Variants in IFNAR1 observed in about 807,000 individuals in gnomAD.
IFNAR1 encodes interferon alpha and beta receptor subunit 1, also known as interferon alpha/beta receptor 1.
A neutral mutation model predicts 62.1 loss-of-function variants in IFNAR1; 47 were observed. That is an observed-to-expected ratio of 0.76 (90% CI 0.60 to 0.97). The LOEUF is 0.97. IFNAR1 is among the 50% of genes least tolerant of loss of function. The pLI, the probability that IFNAR1 is intolerant of heterozygous loss-of-function variation, is 0.00. For synonymous variants in IFNAR1, 219 were observed against 226.9 expected (o/e 0.97, Z 0.31); for missense variants, 638 against 654.5 (o/e 0.97, Z 0.27).
chr21:33,334,170 A>G (rs1308777641), intron 1 of IFNAR1, among the ~76,000 whole-genome samples: 1 of 152,254 alleles, frequency 6.6e-6, no homozygotes, highest in Non-Finnish European at 1.5e-5. Flanking sequence ...CAGAGCACCC[A>G]GATATATAAA....
intron 9 of IFNAR1, 100 bp from the exon 10 acceptor site, chr21:33,353,538 T>G (rs1239242841): frequency 1.6e-6 from 1 of 639,952 alleles, no homozygotes; most frequent in Non-Finnish European, 2.6e-6. Flanking sequence ...TAATAGATTT[T>G]ATATTTCCTT....
At chr21:33,334,361 C>T (rs1568926704) in intron 1 of IFNAR1, among the ~76,000 whole-genome samples, 1 of 152,074 alleles carries the variant, frequency 6.6e-6, no homozygotes, top group East Asian at 1.9e-4. Context: ...ACTTGTCATA[C>T]ACAAGGGATC....
intron 6 of IFNAR1, among the ~76,000 whole-genome samples, chr21:33,346,625 A>G (rs2083349907): frequency 6.6e-6 from 1 of 152,248 alleles, no homozygotes; most frequent in Non-Finnish European, 1.5e-5. Flanking sequence ...TGTACAAAGC[A>G]CTGAAGAAAT....
intron 5 of IFNAR1, among the ~76,000 whole-genome samples, chr21:33,344,902 C>A (rs2123250729): frequency 6.6e-6 from 1 of 152,204 alleles, no homozygotes; most frequent in East Asian, 1.9e-4. Context: ...ATTCTCCTGC[C>A]TCAGCCTCCC....
chr21:33,335,716 AT>A, intron 2 of IFNAR1, 69 bp downstream of exon 2: 3 of 1,226,232 alleles, frequency 2.4e-6, no homozygotes, highest in Non-Finnish European at 3.3e-6. Context: ...CAACACCATA[AT>A]TTTTAGATTT....
In IFNAR1 at chr21:33,357,500, G is replaced by A. The variant is rs2083459245; in HGVS notation, c.*1951G>A. 6.6e-6 allele frequency: 1 copy of A among 150,970 alleles called. No individual in the cohort carries two copies. 9.4% of individuals were successfully genotyped at this position (150,970 alleles called of 1,614,324 possible). ...ACTCTCTGCCGGAGAACCCCATGGT[G>A]ACACATTTTCATCTTTCTGACCAGA... On this transcript the variant is annotated 3_prime_UTR_variant, in exon 11 of 11. Transcript: ENST00000270139.
rs2083222160 is a variant in IFNAR1 at position 33,335,246 on chromosome 21, T to C, written c.77-278T>C. On this transcript the variant is annotated intron_variant, in intron 1 of 10. Coordinates refer to ENST00000270139, the MANE Select transcript of IFNAR1 (RefSeq NM_000629.3). The stretch of plus-strand genomic sequence containing the variant: ...TGTCACTTCTAAGACCAAGAAAAAT[T>C]CTATTTTTATGCAGAGACCATTTGT... The C allele has an allele frequency of 1.2e-5, 5 of 434,222 alleles. No individual in the cohort carries two copies. In the Admixed American group the frequency reaches 1.5e-4, roughly 13 times the overall value. The allele number at this position is 434,222 out of a possible 1,614,324, so 26.9% of individuals were successfully genotyped here. A position where few individuals can be genotyped will look rare whatever the true frequency, so the allele number is the denominator to read the frequency against.
intron 6 of IFNAR1, 103 bp from the exon 7 acceptor site, chr21:33,348,988 T>C: frequency 1.5e-6 from 1 of 680,376 alleles, no homozygotes; most frequent in South Asian, 2.1e-5. Context: ...TTCCTGAGTG[T>C]GGATACTATT....
At chr21:33,342,730 G>A (rs1201706962) in intron 3 of IFNAR1, among the ~76,000 whole-genome samples, 6 of 151,302 alleles carry the variant, frequency 4.0e-5, no homozygotes, top group East Asian at 3.9e-4. Flanking sequence ...GGTGGCGGGA[G>A]CCTGTAGTCC....
intron 1 of IFNAR1, among the ~76,000 whole-genome samples, chr21:33,325,354 C>G (rs932479295): frequency 6.6e-6 from 1 of 152,196 alleles, no homozygotes; most frequent in African/African-American, 2.4e-5. Context: ...GTGTACGGGT[C>G]CTCGGGAGCG....
chr21:33,345,837 C>T (rs898274026), intron 6 of IFNAR1, among the ~76,000 whole-genome samples: 4 of 152,096 alleles, frequency 2.6e-5, no homozygotes, highest in Non-Finnish European at 4.4e-5. Flanking sequence ...GTAGATACTT[C>T]GGTGGGAAAG....
At chr21:33,353,541 A>G (rs2083417829) in intron 9 of IFNAR1, 97 bp from the exon 10 acceptor site, 2 of 642,716 alleles carry the variant, frequency 3.1e-6, no homozygotes, top group South Asian at 4.6e-5. Flanking sequence ...TAGATTTTAT[A>G]TTTCCTTTCA....
upstream of IFNAR1, chr21:33,324,927 G>A (rs556392122): frequency 5.2e-4 from 371 of 719,042 alleles, 1 homozygote; most frequent in Non-Finnish European, 7.2e-4. Context: ...CGTGCGTAGA[G>A]GGGCGGTGAG....
At chr21:33,344,614 GT>G (rs1485428114) in intron 5 of IFNAR1, among the ~76,000 whole-genome samples, 1 of 151,472 alleles carries the variant, frequency 6.6e-6, no homozygotes, top group African/African-American at 2.4e-5. Context: ...CTTGGGTTTT[GT>G]TTTTTAAAAT....
At chr21:33,350,171 G>T (rs541194382) in intron 8 of IFNAR1, among the ~76,000 whole-genome samples, 5 of 150,632 alleles carry the variant, frequency 3.3e-5, no homozygotes, top group East Asian at 1.9e-4. Context: ...GTTTGGGCTG[G>T]ATAGTTCCTT....
rs948450858 is a variant in IFNAR1, at chr21:33,345,838, G to T, written c.788+478G>T. On this transcript the variant is annotated intron_variant, in intron 6 of 10. Coordinates refer to ENST00000270139, the MANE Select transcript of IFNAR1 (RefSeq NM_000629.3). ...GACAAAATTTTGTAGTAGATACTTC[G>T]GTGGGAAAGAAAGTTGGAAAGAACT... Among the ~76,000 whole-genome samples the T allele has an allele frequency of 2.0e-5, 3 of 152,204 alleles. No individual in the cohort carries two copies. In the East Asian group the frequency reaches 5.8e-4, roughly 29 times the overall value.
Position 33,345,290 on chromosome 21 carries a change from C to G in IFNAR1, c.718C>G (p.Gln240Glu). Reference sequence around the variant, plus strand: ...ACCAGAAAATATAGAAGTCAGTGTCCAAAATCAGAACTATGTTCTTAAATG... The same window carrying G: ...ACCAGAAAATATAGAAGTCAGTGTCGAAAATCAGAACTATGTTCTTAAATG... ...PPPENIEVSVQNQNYVLKWDY... is the reference protein window; with the variant it reads ...PPPENIEVSVENQNYVLKWDY... Residue 240 changes from glutamine (Q) to glutamate (E), a missense_variant, in exon 6 of 11, where the codon CAA becomes GAA. Transcript: ENST00000270139. The G allele has an allele frequency of 6.2e-7, 1 of 1,606,112 alleles. No individual in the cohort carries two copies. The highest frequency in any genetic ancestry group is 8.5e-7 in the Non-Finnish European group (1 of 1,173,772).
chr21:33,349,230 T>A lies in IFNAR1; in HGVS notation c.928T>A (p.Ser310Thr). Residue 310 changes from serine (S) to threonine (T), a missense_variant, in exon 7 of 11, where the codon TCT (serine) becomes ACT (threonine). Coordinates refer to ENST00000270139, the MANE Select transcript of IFNAR1 (RefSeq NM_000629.3). Reference protein sequence around the residue: ...KGIYLLRVQASDGNNTSFWSE... With the variant: ...KGIYLLRVQATDGNNTSFWSE... ...AATTTACCTTCTCCGCGTACAAGCA[T>A]CTGATGGAAATAACACATCTTTTTG... The A allele has an allele frequency of 1.9e-6, 3 of 1,613,542 alleles. No individual in the cohort carries two copies. Among genetic ancestry groups the A allele is most frequent in the Non-Finnish European group, 2.5e-6 (3 of 1,179,628 alleles).
chr21:33,343,326 C>A lies in IFNAR1; in HGVS notation c.435C>A (p.His145Gln), dbSNP rs2083312220. 6.2e-7 allele frequency: 1 copy of A among 1,612,304 alleles called. No individual in the cohort carries two copies. Among genetic ancestry groups the A allele is most frequent in the African/African-American group, 1.3e-5 (1 of 74,892 alleles). The change falls in exon 4 of 11, where the codon CAC (histidine) becomes CAA (glutamine). Residue 145 changes from histidine (H) to glutamine (Q), a missense_variant. Physicochemically the swap from His to Gln is conservative, Grantham distance 24. Coordinates refer to ENST00000270139, the MANE Select transcript of IFNAR1 (RefSeq NM_000629.3). ...CTGAAGATAAGGCAATAGTGATACA[C>A]ATCTCTCCTGGAACAAAAGATAGTG... ...LEAEDKAIVI[H>Q]ISPGTKDSVM...
Sources: gnomAD v4.1 joint callset for allele counts (sites outside exome capture counted in the v4.1 genomes callset) on GRCh38, gnomAD v4.1.1 for gene constraint, MANE v1.5 for transcripts, NCBI Gene and HGNC (gene_info 2026-07-23, HGNC 2026-07-21) for gene names.